Variants in PPP1R13B observed in about 807,000 individuals in gnomAD.
PPP1R13B encodes protein phosphatase 1 regulatory subunit 13B, also known as apoptosis-stimulating of p53 protein 1.
In PPP1R13B, 44 loss-of-function variants were observed where a neutral mutation model predicts 119.8. That is an observed-to-expected ratio of 0.37 (90% confidence interval 0.29 to 0.47). PPP1R13B has a LOEUF of 0.47. PPP1R13B is among the 20% of genes least tolerant of loss of function. The pLI is 0.99. For missense variants in PPP1R13B, 1,227 were observed against 1,413.5 expected, an observed-to-expected ratio of 0.87 and a Z score of 2.12; for synonymous variants, 542 against 561.5, an observed-to-expected ratio of 0.97 and a Z score of 0.49.
rs760263628 is a variant in PPP1R13B at position 103,740,018 on chromosome 14, C to T, written c.2398G>A (p.Glu800Lys). 15 of 1,613,804 alleles carry T rather than the reference C, an allele frequency of 9.3e-6. No individual in the cohort carries two copies. Among genetic ancestry groups the T allele is most frequent in the Middle Eastern group, 3.3e-4 (2 of 6,082 alleles). ...TGGGGACAGATGAGCTCCTCTGGTTCGGGGGAAGGTAACTCATTATCATTG... is the reference window on the plus strand; with the variant it reads ...TGGGGACAGATGAGCTCCTCTGGTTTGGGGGAAGGTAACTCATTATCATTG... Reference protein sequence around the residue: ...DANDNELPSPEPEELICPQTT... With the variant: ...DANDNELPSPKPEELICPQTT... The change falls in exon 12 of 17, where the codon GAA becomes AAA. Residue 800 changes from glutamate to lysine, a missense_variant. Coordinates refer to ENST00000202556, the MANE Select transcript of PPP1R13B (RefSeq NM_015316.3). This position sits in a 1 kb window ranked among gnomAD's most constrained non-coding sequence, Gnocchi z 4.6.
intron 8 of PPP1R13B, chr14:103,746,986 T>A (rs910560379): frequency 2.0e-5 from 3 of 153,758 alleles, no homozygotes; most frequent in Non-Finnish European, 4.3e-5. Context: ...ACCCGTGGAG[T>A]CGGGATAAGG....
intron 1 of PPP1R13B, among the ~76,000 whole-genome samples, chr14:103,838,865 T>A (rs147073992): frequency 2.7e-4 from 41 of 152,346 alleles, no homozygotes; most frequent in Middle Eastern, 6.8e-3. Context: ...CAAATGGCAA[T>A]GCCAGCATCC....
At chr14:103,751,457 A>G (rs928080134) in intron 7 of PPP1R13B, among the ~76,000 whole-genome samples, 1 of 152,200 alleles carries the variant, frequency 6.6e-6, no homozygotes, top group Admixed American at 6.5e-5. Flanking sequence ...AAGCAGCAAG[A>G]CCTATTTCTG....
chr14:103,762,118 G>T (rs577606299), intron 4 of PPP1R13B, among the ~76,000 whole-genome samples: 1 of 152,248 alleles, frequency 6.6e-6, no homozygotes, highest in African/African-American at 2.4e-5. Flanking sequence ...TTTATTATAA[G>T]TTCAGTCACA....
At chr14:103,810,219 C>T (rs566069993) in intron 1 of PPP1R13B, among the ~76,000 whole-genome samples, 2 of 147,614 alleles carry the variant, frequency 1.4e-5, no homozygotes, top group South Asian at 4.4e-4. Flanking sequence ...GTCTGAAGTT[C>T]GAAACCAGCC....
At chr14:103,835,425 C>CTTTT (rs71126076) in intron 1 of PPP1R13B, among the ~76,000 whole-genome samples, 12 of 125,338 alleles carry the variant, frequency 9.6e-5, no homozygotes, top group African/African-American at 3.3e-4. Flanking sequence ...GCGCCCAGCA[C>CTTTT]TTTTTTTTTT....
At chr14:103,847,138 G>A (rs1432560013) in intron 1 of PPP1R13B, 161 bp downstream of exon 1, 14 of 978,536 alleles carry the variant, frequency 1.4e-5, no homozygotes, top group African/African-American at 1.8e-5. Context: ...CCACCTGCCC[G>A]CCTGGGGGGC....
intron 3 of PPP1R13B, among the ~76,000 whole-genome samples, chr14:103,779,198 A>C (rs1466464981): frequency 6.6e-6 from 1 of 151,844 alleles, no homozygotes; most frequent in African/African-American, 2.4e-5. Context: ...CTGAGGCGGG[A>C]GAATGACTTG....
chr14:103,819,791 A>G (rs2086364860), intron 1 of PPP1R13B, among the ~76,000 whole-genome samples: 1 of 152,170 alleles, frequency 6.6e-6, no homozygotes. Flanking sequence ...CTATCCCTCC[A>G]GAGTCCTTCC....
intron 3 of PPP1R13B, among the ~76,000 whole-genome samples, chr14:103,782,415 A>G (rs1327980940): frequency 3.9e-5 from 6 of 152,336 alleles, no homozygotes; most frequent in Admixed American, 3.3e-4. Flanking sequence ...GGTTGTTCCT[A>G]CCAGCAATGC....
At position 103,772,675 on chromosome 14, in the gene PPP1R13B, CTTTTTTT is replaced by C. The variant is rs200012700; in HGVS notation, c.354+6063_354+6069del. Among the ~76,000 whole-genome samples, 136 of 140,608 alleles carry C rather than the reference CTTTTTTT, an allele frequency of 9.7e-4. 3 individuals carry two copies. In the East Asian group the frequency reaches 0.022, roughly 22 times the overall value. 92.2% of individuals were successfully genotyped at this position (140,608 alleles called of 152,430 possible). A position where few individuals can be genotyped will look rare whatever the true frequency, so the allele number is the denominator to read the frequency against. On this transcript the variant is annotated intron_variant, in intron 4 of 16. Coordinates refer to ENST00000202556, the MANE Select transcript of PPP1R13B (RefSeq NM_015316.3). The stretch of plus-strand genomic sequence containing the variant: ...TTCAATCTTTCACCTGTTTCTTTTT[CTTTTTTT>C]TTTTTTTTGAGACAGAGTCTTACTC...
chr14:103,742,292 C>G lies in PPP1R13B; in HGVS notation c.1321-1G>C. 6.5e-7 allele frequency: 1 copy of G among 1,547,810 alleles called. No homozygotes were observed. The highest frequency in any genetic ancestry group is 1.2e-5 in the South Asian group (1 of 83,664). On this transcript the variant is annotated splice_acceptor_variant, in intron 10 of 16. Transcript: ENST00000202556. LOFTEE classifies it high-confidence loss of function. This position sits in a 1 kb window ranked among gnomAD's most constrained non-coding sequence, Gnocchi z 4.9. The stretch of plus-strand genomic sequence containing the variant: ...GTGGCACTTTACCAATCTCGATGCC[C>G]TAAGTTTAGGTGTTAAGAAGAAAAA...
At position 103,738,572 on chromosome 14, in the gene PPP1R13B, G is replaced by A; in HGVS notation, c.2864+107C>T. ...CAAGGATGAAATGATGGGTGTTCTTGCTCTAATTCTCTCTTCCGTGCTTCC... is the reference window on the plus strand; with the variant it reads ...CAAGGATGAAATGATGGGTGTTCTTACTCTAATTCTCTCTTCCGTGCTTCC... On this transcript the variant is annotated intron_variant, in intron 14 of 16. Transcript: ENST00000202556. The surrounding 1 kb of genome is among the most constrained non-coding windows in gnomAD (Gnocchi z 5.6). 1.3e-6 allele frequency: 2 copies of A among 1,501,394 alleles called. No homozygotes were observed. Among genetic ancestry groups the A allele is most frequent in the Admixed American group, 1.9e-5 (1 of 51,816 alleles). The allele number at this position is 1,501,394 out of a possible 1,614,324, so 93.0% of individuals were successfully genotyped here. A position where few individuals can be genotyped will look rare whatever the true frequency, so the allele number is the denominator to read the frequency against.
chr14:103,800,464 C>A (rs1365032222), intron 1 of PPP1R13B, among the ~76,000 whole-genome samples: 1 of 152,068 alleles, frequency 6.6e-6, no homozygotes, highest in African/African-American at 2.4e-5. Flanking sequence ...ACCAGCCTGG[C>A]CAACATGGCA....
intron 1 of PPP1R13B, among the ~76,000 whole-genome samples, chr14:103,823,073 T>C (rs941000485): frequency 7.9e-5 from 12 of 151,442 alleles, no homozygotes; most frequent in African/African-American, 2.9e-4. Flanking sequence ...GCACAGTGGC[T>C]CACAGCTGTA....
intron 1 of PPP1R13B, among the ~76,000 whole-genome samples, chr14:103,802,270 C>T (rs1366620193): frequency 6.6e-6 from 1 of 152,158 alleles, no homozygotes; most frequent in African/African-American, 2.4e-5. Flanking sequence ...GATAGCACCA[C>T]TGCAGTCAGG....
At chr14:103,750,121 C>T in intron 7 of PPP1R13B, among the ~76,000 whole-genome samples, 187 bp from the exon 8 acceptor site, 1 of 152,198 alleles carries the variant, frequency 6.6e-6, no homozygotes, top group East Asian at 1.9e-4. Flanking sequence ...TCTCATGGAA[C>T]AAAGAAAGAG....
At chr14:103,748,491 C>T (rs2084452780) in intron 8 of PPP1R13B, among the ~76,000 whole-genome samples, 1 of 152,186 alleles carries the variant, frequency 6.6e-6, no homozygotes, top group Non-Finnish European at 1.5e-5. Context: ...AACAAGAGGA[C>T]ACTATTCTGT....
At chr14:103,753,755 T>A (rs1461200106) in intron 6 of PPP1R13B, among the ~76,000 whole-genome samples, 2 of 152,056 alleles carry the variant, frequency 1.3e-5, no homozygotes, top group African/African-American at 4.8e-5. Context: ...GAGATCTTTT[T>A]ATTTTTTTTT....
Sources: allele counts gnomAD v4.1 joint callset (sites outside exome capture counted in the v4.1 genomes callset), GRCh38; gene constraint gnomAD v4.1.1; non-coding constraint Gnocchi (gnomAD v3.1); transcripts MANE v1.5; gene names NCBI Gene and HGNC (gene_info 2026-07-23, HGNC 2026-07-21).